VILL: variants seen among roughly 807,000 people sequenced by gnomAD.
VILL encodes villin-like protein.
Under a neutral mutation model 106.3 loss-of-function variants are expected in VILL, and 102 were observed. The ratio of observed to expected loss-of-function variants is 0.96; its 90% confidence interval spans 0.82 to 1.13. VILL has a LOEUF of 1.13. Among genes scored for constraint, VILL ranks in the 50% most tolerant of loss-of-function variants. The pLI is 0.00. For missense variants in VILL, 1,076 were observed against 1,116.6 expected (o/e 0.96, Z 0.52); for synonymous variants, 431 against 440.3 (o/e 0.98, Z 0.27).
At chr3:37,994,589 C>T in intron 4 of VILL, 123 bp downstream of exon 4, 1 of 1,073,186 alleles carries the variant, frequency 9.3e-7, no homozygotes. Flanking sequence ...TGGGTAACAC[C>T]TTTATTGAGA....
At position 37,997,542 on chromosome 3, in the gene VILL, T is replaced by C; in HGVS notation, c.621T>C (p.Ile207=). The C allele has an allele frequency of 6.2e-7, 1 of 1,613,998 alleles. No individual in the cohort carries two copies. The highest frequency in any genetic ancestry group is 8.5e-7 in the Non-Finnish European group (1 of 1,179,988). The change falls in exon 7 of 20, where the codon ATT becomes ATC. Residue 207 remains isoleucine, a synonymous_variant. Transcript: ENST00000383759. This position sits in a 1 kb window ranked among gnomAD's most constrained non-coding sequence, Gnocchi z 4.7. ...AACGTGGTGGTGGTCGTGCACAGAT[T>C]GGTGTGGTGGATGATGAGGCCAAAG... The part of the protein sequence containing the change: ...DRERGGGRAQ[I]GVVDDEAKAP...
chr3:37,995,649 C>A, intron 4 of VILL, 90 bp from the exon 5 acceptor site: 1 of 1,055,068 alleles, frequency 9.5e-7, no homozygotes. Context: ...CATACGTGCA[C>A]GTGCTCACAT....
At chr3:38,004,500 GGCTGTGGGTGAGTCTGA>G in intron 16 of VILL, 101 bp downstream of exon 16, 1 of 1,476,280 alleles carries the variant, frequency 6.8e-7, no homozygotes, top group Non-Finnish European at 9.2e-7. Context: ...CTGTACACAG[GGCTGTGGGTGAGTCTGA>G]CCCTGTCACT....
Position 37,998,914 on chromosome 3 carries a change from C to A in VILL, c.945C>A (p.Gly315=). The A allele has an allele frequency of 3.1e-6, 5 of 1,592,378 alleles. No homozygotes were observed. Among genetic ancestry groups the A allele is most frequent in the South Asian group, 1.1e-5 (1 of 89,910 alleles). The change falls in exon 10 of 20, where the codon GGC becomes GGA. Residue 315 remains glycine (G), a splice_region_variant and synonymous_variant. Coordinates refer to ENST00000383759, the MANE Select transcript of VILL (RefSeq NM_015873.4). This position sits in a 1 kb window ranked among gnomAD's most constrained non-coding sequence, Gnocchi z 4.1. The stretch of plus-strand genomic sequence containing the variant: ...ACTGACGATGCCTTCCGCCCCAGGG[C>A]TTCATCCAGGCCAAGGGCTACCCGA... ...ERKAAFSRAV[G]FIQAKGYPTY... is the part of the protein sequence containing the mutation.
Position 37,998,033 on chromosome 3 carries a change from G to C in VILL, c.765-57G>C. ...GGGTGGGGTCCTAAATGGGGCTGGA[G>C]TGGAGACAGATCAGGGAGGGGCTGG... is the stretch of plus-strand genomic sequence containing the variant. On this transcript the variant is annotated intron_variant, in intron 7 of 19. Coordinates refer to ENST00000383759, the MANE Select transcript of VILL (RefSeq NM_015873.4). The surrounding 1 kb of genome is among the most constrained non-coding windows in gnomAD (Gnocchi z 4.1). The C allele has an allele frequency of 6.6e-7, 1 of 1,525,768 alleles. No individual in the cohort carries two copies. Among genetic ancestry groups the C allele is most frequent in the South Asian group, 1.2e-5 (1 of 83,850 alleles). The allele number at this position is 1,525,768 out of a possible 1,614,324, so 94.5% of individuals were successfully genotyped here.
chr3:37,990,152 G>C (rs993970515), upstream of VILL, among the ~76,000 whole-genome samples: 2 of 152,234 alleles, frequency 1.3e-5, no homozygotes. This position sits in a 1 kb window ranked among gnomAD's most constrained non-coding sequence, Gnocchi z 5.1. Context: ...CACAGTGAGA[G>C]AGAGAGAGTG....
intron 16 of VILL, 41 bp downstream of exon 16, chr3:38,004,440 G>T (rs1340540576): frequency 6.3e-7 from 1 of 1,586,430 alleles, no homozygotes; most frequent in Non-Finnish European, 8.6e-7. Flanking sequence ...GTGAACGGGG[G>T]TGTGTTTCTG....
intron 3 of VILL, 69 bp from the exon 4 acceptor site, chr3:37,994,192 C>T: frequency 6.5e-7 from 1 of 1,533,130 alleles, no homozygotes; most frequent in Non-Finnish European, 8.8e-7. Context: ...GCCCTTGGTA[C>T]ATCCTCCCCT....
intron 15 of VILL, chr3:38,003,562 T>C: frequency 2.0e-6 from 1 of 504,454 alleles, no homozygotes; most frequent in African/African-American, 1.9e-5. Context: ...ATCCCCTCCC[T>C]GCATTGTCCT....
rs774521255 is a variant in VILL, at chr3:38,007,046, C to T, written c.2562C>T (p.Gly854=). ...WRQRQEKKQL[G]FF ...AGCGGCAGGAGAAAAAGCAGCTGGG[C>T]TTCTTCTGAACCCAAGCCCTCTCGA... The change falls in exon 20 of 20, where the codon GGC becomes GGT. Residue 854 remains glycine (G), a synonymous_variant. Transcript: ENST00000383759. The T allele has an allele frequency of 6.2e-7, 1 of 1,613,814 alleles. No homozygotes were observed. Among genetic ancestry groups the T allele is most frequent in the East Asian group, 2.2e-5 (1 of 44,874 alleles).
chr3:37,988,155 G>C (rs1699571889), upstream of VILL: 1 of 152,312 alleles, frequency 6.6e-6, no homozygotes, highest in Non-Finnish European at 1.5e-5. Context: ...GGGCTTCCAG[G>C]CAGAGAAGCC....
At chr3:37,988,349 G>A (rs187705924), upstream of VILL, 61 of 152,158 alleles carry the variant, frequency 4.0e-4, no homozygotes, top group African/African-American at 1.4e-3. Context: ...TGATGTGAGC[G>A]GGTTTATGGT....
At position 38,007,179 on chromosome 3, in the gene VILL, G is replaced by A; in HGVS notation, c.*124G>A. ...CTCTGCGTGTCAGTAAAAGCAGGCAGCCCATACGAGCTGTGGTATGCGTGC... is the reference window on the plus strand; with the variant it reads ...CTCTGCGTGTCAGTAAAAGCAGGCAACCCATACGAGCTGTGGTATGCGTGC... On this transcript the variant is annotated 3_prime_UTR_variant, in exon 20 of 20. Coordinates refer to ENST00000383759, the MANE Select transcript of VILL (RefSeq NM_015873.4). The A allele has an allele frequency of 1.3e-6, 1 of 781,686 alleles. No individual in the cohort carries two copies. The highest frequency in any genetic ancestry group is 2.1e-6 in the Non-Finnish European group (1 of 475,072). 48.4% of individuals were successfully genotyped at this position (781,686 alleles called of 1,614,324 possible).
At chr3:37,995,417 G>T (rs1454595884) in intron 4 of VILL, among the ~76,000 whole-genome samples, 1 of 152,182 alleles carries the variant, frequency 6.6e-6, no homozygotes, top group Non-Finnish European at 1.5e-5. Flanking sequence ...ATATGCTGTT[G>T]CCCACCTTCA....
rs146922581 is a variant in VILL at position 38,006,098 on chromosome 3, C to T, written c.2134-83C>T. The T allele has an allele frequency of 8.1e-6, 13 of 1,605,150 alleles. No individual in the cohort carries two copies. The African/African-American group carries it at 1.3e-4, about 16-fold the overall frequency. ...TGCCAGTGTGTGCGAGAGACCTGGTCTTGTCCTCAGGCCCCTCATGTGTCC... is the reference window on the plus strand; with the variant it reads ...TGCCAGTGTGTGCGAGAGACCTGGTTTTGTCCTCAGGCCCCTCATGTGTCC... On this transcript the variant is annotated intron_variant, in intron 17 of 19. Coordinates refer to ENST00000383759, the MANE Select transcript of VILL (RefSeq NM_015873.4).
chr3:37,993,556 C>T, intron 1 of VILL, 31 bp from the exon 2 acceptor site: 1 of 879,624 alleles, frequency 1.1e-6, no homozygotes, highest in South Asian at 1.6e-5. Context: ...TTACAGAGCC[C>T]TCCTAATAAA....
chr3:37,993,985 G>A lies in VILL; in HGVS notation c.135+13G>A, dbSNP rs912356019. On this transcript the variant is annotated intron_variant, in intron 3 of 19. Transcript: ENST00000383759. ...TGTCATCCTCCACGTGAGTCGCTTG[G>A]GGAAGTCTGCCTGAGAGGGGTGGCA... is the stretch of plus-strand genomic sequence containing the variant. 1.2e-6 allele frequency: 2 copies of A among 1,614,036 alleles called. No individual in the cohort carries two copies. The highest frequency in any genetic ancestry group is 1.7e-6 in the Non-Finnish European group (2 of 1,179,998).
chr3:37,989,442 T>A (rs7644531), upstream of VILL, among the ~76,000 whole-genome samples: 42,162 of 152,020 alleles, frequency 0.28, 7,097 homozygotes, highest in African/African-American at 0.47. Flanking sequence ...CAAGCTCTGC[T>A]CCTGCTGCCA....
intron 11 of VILL, chr3:38,001,197 G>A (rs1458818236): frequency 3.4e-6 from 2 of 581,452 alleles, no homozygotes; most frequent in East Asian, 6.1e-5. Context: ...TTGGGACTAG[G>A]GCTGGGCATG....
Sources: gnomAD v4.1 joint callset for allele counts (sites outside exome capture counted in the v4.1 genomes callset) on GRCh38, gnomAD v4.1.1 for gene constraint, Gnocchi (gnomAD v3.1) non-coding constraint, MANE v1.5 for transcripts, NCBI Gene and HGNC (gene_info 2026-07-23, HGNC 2026-07-21) for gene names.